KIF20B: variants seen among roughly 807,000 people sequenced by gnomAD.
KIF20B encodes kinesin-like protein KIF20B.
KIF20B carries 188 observed loss-of-function variants against 232.5 expected under a neutral mutation model. The ratio of observed to expected loss-of-function variants is 0.81; its 90% CI spans 0.72 to 0.91. The LOEUF is 0.91. Ranked by LOEUF, KIF20B falls within the 40% of genes least tolerant of loss-of-function variation. KIF20B has a pLI of 0.00. For missense variants in KIF20B, 2,154 were observed against 2,055.9 expected (o/e 1.05, Z -0.92); for synonymous variants, 712 against 683.0 (o/e 1.04, Z -0.66).
chr10:89,762,631 G>T lies in KIF20B; in HGVS notation c.4792-7G>T. 1 of 1,604,288 alleles carries T rather than the reference G, an allele frequency of 6.2e-7. No individual in the cohort carries two copies. Among genetic ancestry groups the T allele is most frequent in the Non-Finnish European group, 8.5e-7 (1 of 1,171,750 alleles). On this transcript the variant is annotated splice_region_variant and splice_polypyrimidine_tract_variant and intron_variant, in intron 28 of 32. Coordinates refer to ENST00000371728, the MANE Select transcript of KIF20B (RefSeq NM_001284259.2). ...AATAATATTTTTCCTTTTACATTCT[G>T]TTGTAGGATGGATCTGTAGTCCTTG...
chr10:89,724,529 C>CA (rs1005789553), intron 14 of KIF20B, among the ~76,000 whole-genome samples: 1 of 151,614 alleles, frequency 6.6e-6, no homozygotes, highest in Non-Finnish European at 1.5e-5. Context: ...ACTCTTGTCT[C>CA]AGAGAAGAAA....
chr10:89,714,066 G>T lies in KIF20B; in HGVS notation c.695G>T (p.Ser232Ile). Residue 232 changes from serine (S) to isoleucine (I), a missense_variant, in exon 7 of 33, where the codon AGT becomes ATT. Physicochemically the swap from Ser to Ile is moderately radical, Grantham distance 142. Coordinates refer to ENST00000371728, the MANE Select transcript of KIF20B (RefSeq NM_001284259.2). The part of the protein sequence containing the change: ...QIKEVTVHND[S>I]DDTLYGSLTN... ...TTTTAGGTTACTGTGCATAATGATA[G>T]TGATGATACTCTTTATGGTAAGGTT... The T allele has an allele frequency of 6.9e-7, 1 of 1,454,916 alleles. No individual in the cohort carries two copies. The highest frequency in any genetic ancestry group is 9.3e-7 in the Non-Finnish European group (1 of 1,080,144). The allele number at this position is 1,454,916 out of a possible 1,614,324, so 90.1% of individuals were successfully genotyped here. A position where few individuals can be genotyped will look rare whatever the true frequency, so the allele number is the denominator to read the frequency against.
At chr10:89,743,526 T>TTA (rs1841849032) in intron 21 of KIF20B, among the ~76,000 whole-genome samples, 1 of 152,228 alleles carries the variant, frequency 6.6e-6, no homozygotes, top group East Asian at 1.9e-4. Flanking sequence ...TGTATAGATG[T>TTA]TATGATAATT....
At chr10:89,772,663 A>C (rs1842487692) in intron 31 of KIF20B, 26 bp from the exon 32 acceptor site, 1 of 1,421,618 alleles carries the variant, frequency 7.0e-7, no homozygotes, top group African/African-American at 1.5e-5. Context: ...TTATTTCAGG[A>C]ACTAATTAAC....
intron 22 of KIF20B, among the ~76,000 whole-genome samples, chr10:89,744,882 G>A (rs1182694377): frequency 6.6e-6 from 1 of 152,172 alleles, no homozygotes; most frequent in Non-Finnish European, 1.5e-5. Context: ...GACTTACAAA[G>A]TGATGAGATA....
At chr10:89,752,970 C>T (rs1415557842) in intron 25 of KIF20B, among the ~76,000 whole-genome samples, 3 of 152,134 alleles carry the variant, frequency 2.0e-5, no homozygotes, top group African/African-American at 7.2e-5. Flanking sequence ...CTTCTAATGT[C>T]CTTGTGCCCA....
chr10:89,729,247 T>C lies in KIF20B; in HGVS notation c.2391T>C (p.Asn797=). Residue 797 remains asparagine (N), a splice_region_variant and synonymous_variant, in exon 18 of 33, where the codon AAT becomes AAC. Coordinates refer to ENST00000371728, the MANE Select transcript of KIF20B (RefSeq NM_001284259.2). ...KSHMENTFKC[N]DKADTSSLII... ...ATATGGAAAACACATTTAAATGCAA[T>C]GTAAGAATTTAACCTTGTGTTATAT... 6.7e-7 allele frequency: 1 copy of C among 1,481,556 alleles called. No individual in the cohort carries two copies. Among genetic ancestry groups the C allele is most frequent in the South Asian group, 1.3e-5 (1 of 77,742 alleles). 91.8% of individuals were successfully genotyped at this position (1,481,556 alleles called of 1,614,324 possible). A position where few individuals can be genotyped will look rare whatever the true frequency, so the allele number is the denominator to read the frequency against.
chr10:89,751,454 T>G lies in KIF20B; in HGVS notation c.4205T>G (p.Val1402Gly). ...GTGCTTGAGGCTAAATTAGAGGAAG[T>G]TGAAAGGCTGGCCACAGGTAAAACA... Reference protein sequence around the residue: ...DQVLEAKLEEVERLATELEKW... With the variant: ...DQVLEAKLEEGERLATELEKW... Residue 1402 changes from valine (V) to glycine (G), a missense_variant, in exon 24 of 33, where the codon GTT becomes GGT. Physicochemically the swap from Val to Gly is moderately radical, Grantham distance 109. Coordinates refer to ENST00000371728, the MANE Select transcript of KIF20B (RefSeq NM_001284259.2). 4 of 1,605,488 alleles carry G rather than the reference T, an allele frequency of 2.5e-6. No individual in the cohort carries two copies. The highest frequency in any genetic ancestry group is 3.4e-6 in the Non-Finnish European group (4 of 1,176,734).
At chr10:89,714,590 A>G (rs1032770735) in intron 7 of KIF20B, among the ~76,000 whole-genome samples, 1 of 152,204 alleles carries the variant, frequency 6.6e-6, no homozygotes, top group African/African-American at 2.4e-5. Context: ...AAAATGATAC[A>G]TATTTATATG....
chr10:89,765,181 T>G, intron 29 of KIF20B, among the ~76,000 whole-genome samples: 1 of 152,144 alleles, frequency 6.6e-6, no homozygotes, highest in Non-Finnish European at 1.5e-5. Context: ...TTTCTCAGGT[T>G]TGTCAAAGAT....
In KIF20B at chr10:89,742,590, G is replaced by A. The variant is rs552002456; in HGVS notation, c.3916-1218G>A. 5.9e-5 allele frequency among the ~76,000 whole-genome samples: 9 copies of A among 151,562 alleles called. No individual in the cohort carries two copies. In the South Asian group the frequency reaches 1.7e-3, roughly 28 times the overall value. On this transcript the variant is annotated intron_variant, in intron 21 of 32. Coordinates refer to ENST00000371728, the MANE Select transcript of KIF20B (RefSeq NM_001284259.2). Reference sequence around the variant, plus strand: ...TTTAAACAAAATTAGCAAATATTATGAATATGTGATTATCATGTATGTATT... The same window carrying A: ...TTTAAACAAAATTAGCAAATATTATAAATATGTGATTATCATGTATGTATT...
chr10:89,751,334 C>T lies in KIF20B; in HGVS notation c.4097-12C>T, dbSNP rs1402362674. ...GCTATTAATTTCTAAAATGTTCTCC[C>T]CCGATTTTTAGATCTAAATGTTAAA... On this transcript the variant is annotated splice_polypyrimidine_tract_variant and intron_variant, in intron 23 of 32. Transcript: ENST00000371728. The T allele has an allele frequency of 6.3e-6, 10 of 1,583,008 alleles. No homozygotes were observed. Among genetic ancestry groups the T allele is most frequent in the Non-Finnish European group, 8.6e-6 (10 of 1,167,704 alleles).
At position 89,732,980 on chromosome 10, in the gene KIF20B, C is replaced by T; in HGVS notation, c.2469C>T (p.Ser823=). ...CNETVEVPKD[S]KSKICSERKR... ...AAACAGTTGAAGTACCTAAGGACAGCAAATCTAAAATCTGTTCAGAAAGAA... is the reference window on the plus strand; with the variant it reads ...AAACAGTTGAAGTACCTAAGGACAGTAAATCTAAAATCTGTTCAGAAAGAA... The change falls in exon 19 of 33, where the codon AGC becomes AGT. Residue 823 remains serine (S), a synonymous_variant. Transcript: ENST00000371728. 1.9e-6 allele frequency: 3 copies of T among 1,612,908 alleles called. No homozygotes were observed. The South Asian group carries it at 3.3e-5, about 18-fold the overall frequency.
At chr10:89,709,099 A>T in intron 2 of KIF20B, 68 bp from the exon 3 acceptor site, 3 of 1,062,592 alleles carry the variant, frequency 2.8e-6, no homozygotes, top group South Asian at 1.4e-5. Flanking sequence ...TAGCCATGTT[A>T]AGGAAAAATG....
In KIF20B at chr10:89,726,564, A is replaced by G. The variant is rs373018648; in HGVS notation, c.2230+43A>G. On this transcript the variant is annotated intron_variant, in intron 16 of 32. Coordinates refer to ENST00000371728, the MANE Select transcript of KIF20B (RefSeq NM_001284259.2). ...ACTTTTATTTAGATATTGTAAACAC[A>G]TAAAAAGTACTCTTGGTAAGTATAA... 5.6e-6 allele frequency: 8 copies of G among 1,435,448 alleles called. No homozygotes were observed. The Admixed American group carries it at 9.5e-5, about 17-fold the overall frequency. 88.9% of individuals were successfully genotyped at this position (1,435,448 alleles called of 1,614,324 possible). A position where few individuals can be genotyped will look rare whatever the true frequency, so the allele number is the denominator to read the frequency against.
intron 1 of KIF20B, among the ~76,000 whole-genome samples, chr10:89,703,755 CTTTT>C (rs68124594): frequency 8.7e-4 from 120 of 137,508 alleles, no homozygotes; most frequent in Admixed American, 9.3e-4. Flanking sequence ...AGGCTTTTCC[CTTTT>C]TTTTTTTTTT....
At chr10:89,702,887 A>G (rs988539195) in intron 1 of KIF20B, among the ~76,000 whole-genome samples, 3 of 152,140 alleles carry the variant, frequency 2.0e-5, no homozygotes, top group Non-Finnish European at 4.4e-5. Context: ...GGTTCTTGCC[A>G]TCAAGAAGTT....
At chr10:89,753,702 C>G (rs1234125821) in intron 25 of KIF20B, among the ~76,000 whole-genome samples, 1 of 152,040 alleles carries the variant, frequency 6.6e-6, no homozygotes, top group Non-Finnish European at 1.5e-5. Flanking sequence ...CTCACTGCAG[C>G]CTCCACCCCC....
rs1842404382 is a variant in KIF20B at position 89,768,336 on chromosome 10, A to C, written c.5036A>C (p.Asn1679Thr). 1 of 1,594,222 alleles carries C rather than the reference A, an allele frequency of 6.3e-7. No homozygotes were observed. The highest frequency in any genetic ancestry group is 8.5e-7 in the Non-Finnish European group (1 of 1,169,928). Reference sequence around the variant, plus strand: ...AAGAAGAATGCTACACCCAGAACTAATTTGAAATTTCCTATTTCAGATGAT... The same window carrying C: ...AAGAAGAATGCTACACCCAGAACTACTTTGAAATTTCCTATTTCAGATGAT... Reference protein sequence around the residue: ...ENKKNATPRTNLKFPISDDRN... With the variant: ...ENKKNATPRTTLKFPISDDRN... The change falls in exon 30 of 33, where the codon AAT becomes ACT. Residue 1679 changes from asparagine (N) to threonine (T), a missense_variant. Physicochemically the swap from Asn to Thr is moderately conservative, Grantham distance 65. Transcript: ENST00000371728.
Sources: gnomAD v4.1 joint callset for allele counts (sites outside exome capture counted in the v4.1 genomes callset) on GRCh38, gnomAD v4.1.1 for gene constraint, MANE v1.5 for transcripts, NCBI Gene and HGNC (gene_info 2026-07-23, HGNC 2026-07-21) for gene names.